Variants in GPR39 observed in about 807,000 individuals in gnomAD.
The protein encoded by GPR39 is zinc sensing receptor.
GPR39 carries 23 observed loss-of-function variants against 18.4 expected under a neutral mutation model. The observed-to-expected ratio is 1.25, with a 90% CI of 0.90 to 1.77. GPR39 has a LOEUF of 1.77. Among genes scored for constraint, GPR39 ranks in the 40% most tolerant of loss-of-function variants. GPR39 has a pLI of 0.00. For synonymous variants in GPR39, 280 were observed against 257.9 expected, an observed-to-expected ratio of 1.09 and a Z score of -0.82; for missense variants, 647 against 602.4, an observed-to-expected ratio of 1.07 and a Z score of -0.78.
intron 1 of GPR39, among the ~76,000 whole-genome samples, chr2:132,613,619 A>G (rs1681273240): frequency 6.6e-6 from 1 of 152,232 alleles, no homozygotes; most frequent in Admixed American, 6.5e-5. Flanking sequence ...GTTCATTGCT[A>G]TATCACCATC....
Position 132,492,806 on chromosome 2 carries a change from T to TATATACATACC in GPR39, c.856+74914_856+74924dup, listed in dbSNP as rs1263257526. Among the ~76,000 whole-genome samples, 412 of 108,194 alleles carry TATATACATACC rather than the reference T, an allele frequency of 3.8e-3. 8 individuals carry two copies. Among genetic ancestry groups the TATATACATACC allele is most frequent in the African/African-American group, 9.2e-3 (276 of 30,136 alleles). 71.0% of individuals were successfully genotyped at this position (108,194 alleles called of 152,430 possible). A position where few individuals can be genotyped will look rare whatever the true frequency, so the allele number is the denominator to read the frequency against. On this transcript the variant is annotated intron_variant, in intron 1 of 1. Coordinates refer to ENST00000329321, the MANE Select transcript of GPR39 (RefSeq NM_001508.3). ...CCATATATATACCATATATACCATA[T>TATATACATACC]ATATACATACCATATATATACCATA...
chr2:132,577,814 A>G (rs377734365), intron 1 of GPR39, among the ~76,000 whole-genome samples: 4 of 152,158 alleles, frequency 2.6e-5, no homozygotes, highest in Admixed American at 1.3e-4. Context: ...CTATCATGCC[A>G]TCTGCAAATA....
intron 1 of GPR39, among the ~76,000 whole-genome samples, chr2:132,531,273 G>A (rs1261606140): frequency 6.6e-6 from 1 of 152,290 alleles, no homozygotes; most frequent in East Asian, 1.9e-4. Context: ...TTACATAATG[G>A]TAAAGGGATC....
chr2:132,522,042 G>A (rs1416533957), intron 1 of GPR39, among the ~76,000 whole-genome samples: 2 of 152,078 alleles, frequency 1.3e-5, no homozygotes, highest in Non-Finnish European at 2.9e-5. Flanking sequence ...GTGTAAATGC[G>A]ACTTAAACTG....
chr2:132,439,301 A>G (rs1220248868), intron 1 of GPR39, among the ~76,000 whole-genome samples: 1 of 152,234 alleles, frequency 6.6e-6, no homozygotes, highest in African/African-American at 2.4e-5. Flanking sequence ...CAGTGTCTTG[A>G]TGACAGGCTA....
At chr2:132,471,126 G>T (rs1681023368) in intron 1 of GPR39, among the ~76,000 whole-genome samples, 1 of 152,010 alleles carries the variant, frequency 6.6e-6, no homozygotes, top group African/African-American at 2.4e-5. Context: ...AGAAAGTGAG[G>T]CCAGGGAAGT....
At chr2:132,608,360 C>A (rs1681178214) in intron 1 of GPR39, among the ~76,000 whole-genome samples, 1 of 152,132 alleles carries the variant, frequency 6.6e-6, no homozygotes, top group South Asian at 2.1e-4. Context: ...ATAGGGAGAA[C>A]CCCCCTGCAC....
At chr2:132,574,643 G>A (rs553805068) in intron 1 of GPR39, among the ~76,000 whole-genome samples, 18 of 152,268 alleles carry the variant, frequency 1.2e-4, no homozygotes, top group Non-Finnish European at 2.6e-4. Flanking sequence ...GCCAAGGCAC[G>A]AGAATTGCTT....
At chr2:132,515,148 G>A (rs1224888792) in intron 1 of GPR39, among the ~76,000 whole-genome samples, 1 of 152,200 alleles carries the variant, frequency 6.6e-6, no homozygotes, top group Non-Finnish European at 1.5e-5. Context: ...CCTGCCATGT[G>A]ACTTCAGCAA....
intron 1 of GPR39, among the ~76,000 whole-genome samples, chr2:132,569,065 G>A (rs1680398778): frequency 6.6e-6 from 1 of 152,048 alleles, no homozygotes; most frequent in Non-Finnish European, 1.5e-5. Flanking sequence ...AGCACCCAAG[G>A]GTTGTTGCTA....
At chr2:132,538,381 T>C (rs544863377) in intron 1 of GPR39, among the ~76,000 whole-genome samples, 1 of 152,316 alleles carries the variant, frequency 6.6e-6, no homozygotes, top group East Asian at 1.9e-4. Flanking sequence ...CAGTGGAGGC[T>C]ACAGAAAAGC....
intron 1 of GPR39, among the ~76,000 whole-genome samples, chr2:132,483,772 C>T (rs1232431575): frequency 1.3e-5 from 2 of 152,146 alleles, no homozygotes; most frequent in Non-Finnish European, 2.9e-5. Context: ...GCCTAGGGTT[C>T]AAGCCTCAAG....
intron 1 of GPR39, among the ~76,000 whole-genome samples, chr2:132,486,951 C>A (rs2104792697): frequency 6.6e-6 from 1 of 152,322 alleles, no homozygotes; most frequent in African/African-American, 2.4e-5. Context: ...TAAGCTTAAT[C>A]ATTTTTAGCT....
Position 132,641,867 on chromosome 2 carries a change from C to T in GPR39, c.857-3234C>T, listed in dbSNP as rs548838903. 2.6e-5 allele frequency among the ~76,000 whole-genome samples: 4 copies of T among 152,246 alleles called. No individual in the cohort carries two copies. The South Asian group carries it at 8.3e-4, about 32-fold the overall frequency. On this transcript the variant is annotated intron_variant, in intron 1 of 1. Transcript: ENST00000329321. Reference sequence around the variant, plus strand: ...TGCTTGTGTTTCTGTATTTTTCAAACTGAAAGTATGAATAGCAAACAATAT... The same window carrying T: ...TGCTTGTGTTTCTGTATTTTTCAAATTGAAAGTATGAATAGCAAACAATAT...
chr2:132,550,427 GC>G (rs1191455222), intron 1 of GPR39, among the ~76,000 whole-genome samples: 1 of 152,172 alleles, frequency 6.6e-6, no homozygotes, highest in Non-Finnish European at 1.5e-5. Flanking sequence ...ACTCTGTGTT[GC>G]ATCTGTGGTT....
At chr2:132,613,740 T>G (rs1473437181) in intron 1 of GPR39, among the ~76,000 whole-genome samples, 3 of 152,244 alleles carry the variant, frequency 2.0e-5, no homozygotes, top group African/African-American at 7.2e-5. Context: ...TCTCATTTAC[T>G]TATGGAAGCA....
At chr2:132,552,950 T>TG (rs1680075878) in intron 1 of GPR39, among the ~76,000 whole-genome samples, 1 of 150,706 alleles carries the variant, frequency 6.6e-6, no homozygotes, top group African/African-American at 2.4e-5. Flanking sequence ...ATATTTTTTT[T>TG]TTTGGAAACA....
intron 1 of GPR39, chr2:132,489,136 G>T: frequency 4.2e-6 from 1 of 238,812 alleles, no homozygotes; most frequent in South Asian, 7.2e-5. Context: ...ACCCTGCGAA[G>T]GTACTTCCTG....
intron 1 of GPR39, among the ~76,000 whole-genome samples, chr2:132,557,254 G>T (rs542614706): frequency 1.3e-5 from 2 of 152,310 alleles, no homozygotes; most frequent in African/African-American, 4.8e-5. Flanking sequence ...AGGAGGGGAA[G>T]TTGGAGTGAA....
Sources: allele counts gnomAD v4.1 joint callset (sites outside exome capture counted in the v4.1 genomes callset), GRCh38; gene constraint gnomAD v4.1.1; transcripts MANE v1.5; gene names NCBI Gene and HGNC (gene_info 2026-07-23, HGNC 2026-07-21).